The following RHOT1 variants were observed in gnomAD, a reference collection of about 807,000 sequenced individuals.
RHOT1 encodes the protein mitochondrial Rho GTPase 1.
In RHOT1, 27 loss-of-function variants were observed where a neutral mutation model predicts 95.3. That is an observed-to-expected ratio of 0.28 (90% CI 0.21 to 0.39). The LOEUF (loss-of-function observed/expected upper bound fraction) is 0.39, where lower values mean the gene tolerates loss of function less well. RHOT1 is among the 10% of genes least tolerant of loss of function. The probability of loss-of-function intolerance (pLI) is 1.00; values close to 1 mark genes in which losing one functional copy is unlikely to be tolerated. For missense variants in RHOT1, 578 were observed against 786.7 expected (o/e 0.73, Z 3.17); for synonymous variants, 227 against 263.5 (o/e 0.86, Z 1.34).
At position 32,193,508 on chromosome 17, in the gene RHOT1, G is replaced by A. The variant is rs957861617; in HGVS notation, c.748+264G>A. Among the ~76,000 whole-genome samples the A allele has an allele frequency of 4.6e-5, 7 of 151,290 alleles. No individual in the cohort carries two copies. In the South Asian group the frequency reaches 1.2e-3, roughly 27 times the overall value. On this transcript the variant is annotated intron_variant, in intron 10 of 19. Transcript: ENST00000545287. ...TCCACCTGATGGAAGGAGATATCTG[G>A]AACAAAAAAAAAGTATCTTAAAATT...
intron 19 of RHOT1, among the ~76,000 whole-genome samples, chr17:32,222,581 T>C (rs192375100): frequency 6.6e-6 from 1 of 152,252 alleles, no homozygotes; most frequent in Admixed American, 6.5e-5. Context: ...AGATTTTTTT[T>C]TTAAGTTTGG....
At chr17:32,200,134 G>T (rs976999599) in intron 13 of RHOT1, among the ~76,000 whole-genome samples, 1 of 151,786 alleles carries the variant, frequency 6.6e-6, no homozygotes, top group Admixed American at 6.6e-5. Context: ...ATATCTTAAT[G>T]TTAAATAATG....
At chr17:32,170,806 T>C (rs1236378003) in intron 1 of RHOT1, among the ~76,000 whole-genome samples, 3 of 152,212 alleles carry the variant, frequency 2.0e-5, no homozygotes, top group Admixed American at 2.0e-4. Context: ...AAAATGTTAG[T>C]AGAGGATGTT....
intron 1 of RHOT1, among the ~76,000 whole-genome samples, chr17:32,169,573 G>A (rs2034399121): frequency 6.6e-6 from 1 of 152,142 alleles, no homozygotes; most frequent in African/African-American, 2.4e-5. Flanking sequence ...CTGTTTATGA[G>A]GATGTAAATT....
At chr17:32,177,436 G>A (rs550575808) in intron 6 of RHOT1, among the ~76,000 whole-genome samples, 6 of 152,138 alleles carry the variant, frequency 3.9e-5, no homozygotes, top group East Asian at 1.9e-4. Context: ...TTTTGCTTGC[G>A]CCATTTCTAG....
rs530654576 is a variant in RHOT1, at chr17:32,221,107, C to A, written c.1863-3509C>A. 30 of 948,122 alleles carry A rather than the reference C, an allele frequency of 3.2e-5. No individual in the cohort carries two copies. In the South Asian group the frequency reaches 1.3e-3, roughly 42 times the overall value. The allele number at this position is 948,122 out of a possible 1,614,324, so 58.7% of individuals were successfully genotyped here. On this transcript the variant is annotated intron_variant, in intron 19 of 19. Transcript: ENST00000545287. ...AAGCGGCCAGGCGTGGTGGCTCACG[C>A]CTGTAATCTCAGCACTTTCGGAAGC... is the stretch of plus-strand genomic sequence containing the variant.
rs536849404 is a variant in RHOT1 at position 32,148,443 on chromosome 17, A to G, written c.37+5714A>G. 3.9e-5 allele frequency among the ~76,000 whole-genome samples: 6 copies of G among 152,296 alleles called. 1 individual carries two copies. The highest frequency in any genetic ancestry group is 1.4e-4 in the African/African-American group (6 of 41,556). On this transcript the variant is annotated intron_variant, in intron 1 of 19. Coordinates refer to ENST00000545287, the MANE Select transcript of RHOT1 (RefSeq NM_001033566.3). The stretch of plus-strand genomic sequence containing the variant: ...AGTCCTTTCTATAACATCCTCACAT[A>G]TGTACTGAAACCTATTCTCTGCTGT...
rs1383501992 is a variant in RHOT1 at position 32,192,232 on chromosome 17, G to A, written c.572G>A (p.Arg191His). ...CCAGCTTGTATAAAAGCCCTTACTC[G>A]TATATTTAAAATATCTGATCAAGAT... ...MKPACIKALT[R>H]IFKISDQDND... Residue 191 changes from arginine to histidine, a missense_variant, in exon 9 of 20, where the codon CGT (arginine) becomes CAT (histidine). By Grantham distance (29) the Arg-to-His change is conservative (BLOSUM62 0). Around this residue, in one of 4 missense-constraint regions of RHOT1, gnomAD observed 227 missense variants for 316.0 expected, o/e 0.72. Transcript: ENST00000545287. The A allele has an allele frequency of 3.2e-6, 5 of 1,562,402 alleles. No homozygotes were observed. Among genetic ancestry groups the A allele is most frequent in the East Asian group, 4.6e-5 (2 of 43,924 alleles).
At chr17:32,205,206 C>G (rs1307406028) in intron 16 of RHOT1, among the ~76,000 whole-genome samples, 1 of 151,918 alleles carries the variant, frequency 6.6e-6, no homozygotes, top group Non-Finnish European at 1.5e-5. Flanking sequence ...TGTGATGTTC[C>G]CCTCCCTGTG....
At position 32,173,881 on chromosome 17, in the gene RHOT1, G is replaced by A; in HGVS notation, c.147G>A (p.Glu49=). 1 of 1,611,822 alleles carries A rather than the reference G, an allele frequency of 6.2e-7. No individual in the cohort carries two copies. Among genetic ancestry groups the A allele is most frequent in the Non-Finnish European group, 8.5e-7 (1 of 1,178,612 alleles). Residue 49 remains glutamate, a synonymous_variant, in exon 3 of 20, where the codon GAG becomes GAA. Transcript: ENST00000545287. ...EITIPADVTP[E]RVPTHIVDYS... ...CCATTCCAGCTGATGTCACCCCAGA[G>A]AGAGTTCCAACACACATTGTAGATT...
At chr17:32,148,620 TA>T (rs1298198916) in intron 1 of RHOT1, among the ~76,000 whole-genome samples, 1 of 152,200 alleles carries the variant, frequency 6.6e-6, no homozygotes, top group Non-Finnish European at 1.5e-5. Context: ...CGCCAAATGC[TA>T]AAGTTTTCCA....
chr17:32,202,803 A>C lies in RHOT1; in HGVS notation c.1235A>C (p.Lys412Thr), dbSNP rs199972893. 7.5e-6 allele frequency: 12 copies of C among 1,606,306 alleles called. No individual in the cohort carries two copies. The highest frequency in any genetic ancestry group is 1.7e-4 in the Middle Eastern group (1 of 6,032). ...GATAAAAAGATAGACCTGCAGAAAA[A>C]ACAAACTCAAAGAAATGTGTTCAGA... The part of the protein sequence containing the change: ...TRDKKIDLQK[K>T]QTQRNVFRCN... The change falls in exon 15 of 20, where the codon AAA becomes ACA. Residue 412 changes from lysine (K) to threonine (T), a missense_variant. Lys to Thr is a moderately conservative substitution (Grantham distance 78, BLOSUM62 -1). This residue lies in a region of RHOT1 where 296 missense variants were observed against 338.5 expected (regional missense o/e 0.87). Transcript: ENST00000545287.
intron 1 of RHOT1, among the ~76,000 whole-genome samples, chr17:32,156,091 G>A (rs1486009063): frequency 6.6e-6 from 1 of 152,248 alleles, no homozygotes; most frequent in African/African-American, 2.4e-5. Flanking sequence ...TTGCATGTAA[G>A]TTGGCAAGAT....
chr17:32,161,968 A>G (rs1341455315), intron 1 of RHOT1, among the ~76,000 whole-genome samples: 2 of 152,222 alleles, frequency 1.3e-5, no homozygotes, highest in Non-Finnish European at 2.9e-5. Flanking sequence ...CTTTCTCTGT[A>G]GGGTCAGGGT....
intron 15 of RHOT1, 154 bp from the exon 16 acceptor site, chr17:32,203,734 CAT>C: frequency 1.7e-6 from 1 of 574,378 alleles, no homozygotes; most frequent in Non-Finnish European, 3.0e-6. Context: ...AACTAAGAAA[CAT>C]AAAATCAATA....
chr17:32,190,731 A>G (rs1365185045), intron 8 of RHOT1, among the ~76,000 whole-genome samples: 1 of 151,962 alleles, frequency 6.6e-6, no homozygotes, highest in African/African-American at 2.4e-5. Flanking sequence ...ATTTTAAAGA[A>G]TAAATCATGT....
intron 2 of RHOT1, among the ~76,000 whole-genome samples, chr17:32,172,080 T>C (rs1285699358): frequency 6.6e-6 from 1 of 152,208 alleles, no homozygotes; most frequent in African/African-American, 2.4e-5. Flanking sequence ...TAGGTATCAT[T>C]AGTGTCACAG....
At chr17:32,158,016 C>G (rs1023051645) in intron 1 of RHOT1, among the ~76,000 whole-genome samples, 13 of 152,080 alleles carry the variant, frequency 8.5e-5, no homozygotes, top group Non-Finnish European at 1.3e-4. Context: ...AATCCAGGCC[C>G]TGCTAGTTTT....
chr17:32,207,880 G>C (rs2037865327), intron 17 of RHOT1, among the ~76,000 whole-genome samples: 1 of 152,096 alleles, frequency 6.6e-6, no homozygotes, highest in Non-Finnish European at 1.5e-5. Flanking sequence ...ATAAATCTAA[G>C]GAATCAGTAT....
Sources: gnomAD v4.1 joint callset for allele counts (sites outside exome capture counted in the v4.1 genomes callset) on GRCh38, gnomAD v4.1.1 for gene constraint, gnomAD v4.1.1 regional missense constraint, MANE v1.5 for transcripts, NCBI Gene and HGNC (gene_info 2026-07-23, HGNC 2026-07-21) for gene names.